FOXN3: variants seen among roughly 807,000 people sequenced by gnomAD.
The protein encoded by FOXN3 is forkhead box protein N3.
FOXN3 carries 7 observed loss-of-function variants against 38.4 expected under a neutral mutation model. That is an observed-to-expected ratio of 0.18 (90% CI 0.10 to 0.34). FOXN3 has a LOEUF of 0.34. Ranked by LOEUF, FOXN3 falls within the 10% of genes least tolerant of loss-of-function variation. FOXN3 has a pLI of 1.00. For missense variants in FOXN3, 456 were observed against 613.4 expected (o/e 0.74, Z 2.71); for synonymous variants, 230 against 242.2 (o/e 0.95, Z 0.47).
chr14:89,180,796 T>C lies in FOXN3; in HGVS notation c.756A>G (p.Gly252=). 2 of 1,607,608 alleles carry C rather than the reference T, an allele frequency of 1.2e-6. No individual in the cohort carries two copies. The highest frequency in any genetic ancestry group is 1.7e-6 in the Non-Finnish European group (2 of 1,176,338). The change falls in exon 5 of 6, where the codon GGA becomes GGG. Residue 252 remains glycine, a synonymous_variant. Transcript: ENST00000557258. ...GGACCCGCGCTCCATTTTGGATCAC[T>C]CCTGGAGGAACTGAAAAAGCAAAGG... is the stretch of plus-strand genomic sequence containing the variant. ...RNGALLQVPP[G]VIQNGARVLS...
At chr14:89,505,309 C>CTCCCTCTGAT (rs1460663915) in intron 1 of FOXN3, among the ~76,000 whole-genome samples, 25 of 145,752 alleles carry the variant, frequency 1.7e-4, no homozygotes, top group African/African-American at 5.0e-4. Context: ...TCCCCACGGT[C>CTCCCTCTGAT]TCCCTCTGAT....
At chr14:89,331,005 T>C (rs1170475097) in intron 3 of FOXN3, among the ~76,000 whole-genome samples, 1 of 152,238 alleles carries the variant, frequency 6.6e-6, no homozygotes, top group East Asian at 1.9e-4. Context: ...TTTCCTCTTC[T>C]TCTTTTGCGC....
intron 4 of FOXN3, among the ~76,000 whole-genome samples, chr14:89,252,934 T>C (rs1170159456): frequency 1.3e-5 from 2 of 152,282 alleles, no homozygotes; most frequent in African/African-American, 4.8e-5. Context: ...GATTCAGGAC[T>C]GCAGGAACCA....
chr14:89,334,503 G>C (rs888069738), intron 3 of FOXN3, among the ~76,000 whole-genome samples: 1 of 151,210 alleles, frequency 6.6e-6, no homozygotes, highest in Non-Finnish European at 1.5e-5. Context: ...TCAGCTATTC[G>C]AGAGGCTGGA....
intron 1 of FOXN3, among the ~76,000 whole-genome samples, chr14:89,503,516 C>G (rs1308870040): frequency 2.6e-5 from 4 of 152,166 alleles, no homozygotes; most frequent in Non-Finnish European, 4.4e-5. Context: ...AAAGTTCTAG[C>G]CATATGCTAC....
At chr14:89,406,862 C>T (rs1891402111) in intron 2 of FOXN3, among the ~76,000 whole-genome samples, 2 of 151,966 alleles carry the variant, frequency 1.3e-5, no homozygotes, top group African/African-American at 4.8e-5. Flanking sequence ...TTCTCATTTA[C>T]AAGTACTCAG....
Position 89,397,671 on chromosome 14 carries a change from T to C in FOXN3, c.543+14263A>G, listed in dbSNP as rs149780048. ...ACTTATTTCTCTCTCTATCCCACTGTGACCCTTTGTTTTAGCCAATTAGAG... is the reference window on the plus strand; with the variant it reads ...ACTTATTTCTCTCTCTATCCCACTGCGACCCTTTGTTTTAGCCAATTAGAG... On this transcript the variant is annotated intron_variant, in intron 2 of 5. Coordinates refer to ENST00000557258, the MANE Select transcript of FOXN3 (RefSeq NM_005197.4). Among the ~76,000 whole-genome samples, 1,179 of 152,262 alleles carry C rather than the reference T, an allele frequency of 7.7e-3. 11 individuals are homozygous for C. Among genetic ancestry groups the C allele is most frequent in the South Asian group, 0.039 (188 of 4,818 alleles).
chr14:89,169,508 T>TACACACACACACAC (rs56217837), intron 5 of FOXN3, among the ~76,000 whole-genome samples: 10 of 150,240 alleles, frequency 6.7e-5, no homozygotes, highest in Admixed American at 4.6e-4. Context: ...ACTAAGTGGT[T>TACACACACACACAC]ACACACACAC....
chr14:89,564,179 G>A (rs1895302953), intron 1 of FOXN3, among the ~76,000 whole-genome samples: 1 of 151,806 alleles, frequency 6.6e-6, no homozygotes, highest in African/African-American at 2.4e-5. Flanking sequence ...TAAGTGAGGG[G>A]ATAGTGAAAA....
chr14:89,554,952 C>A (rs10147932), intron 1 of FOXN3, among the ~76,000 whole-genome samples: 6,156 of 151,868 alleles, frequency 0.041, 230 homozygotes, highest in African/African-American at 0.088. Flanking sequence ...CCATGCCTGG[C>A]TGGTTTTTTT....
At chr14:89,283,001 T>C (rs917351086) in intron 3 of FOXN3, among the ~76,000 whole-genome samples, 1 of 152,188 alleles carries the variant, frequency 6.6e-6, no homozygotes, top group African/African-American at 2.4e-5. Context: ...TGTACTCTAG[T>C]AGTGGAGAGA....
intron 4 of FOXN3, among the ~76,000 whole-genome samples, chr14:89,210,053 T>C (rs948545111): frequency 6.6e-6 from 1 of 152,242 alleles, no homozygotes; most frequent in Non-Finnish European, 1.5e-5. Context: ...GTGCCTACTT[T>C]TCACAGTCCC....
intron 2 of FOXN3, among the ~76,000 whole-genome samples, chr14:89,407,601 G>C (rs367626037): frequency 1.3e-5 from 2 of 152,186 alleles, no homozygotes; most frequent in South Asian, 4.1e-4. Context: ...GGAGGCTGGG[G>C]CAGGAGGATT....
intron 4 of FOXN3, among the ~76,000 whole-genome samples, chr14:89,210,092 A>C (rs546110235): frequency 3.9e-5 from 6 of 152,350 alleles, no homozygotes; most frequent in African/African-American, 1.4e-4. Context: ...AGCACCTAGC[A>C]TACTGATACG....
chr14:89,386,565 A>G (rs1317007939), intron 2 of FOXN3, among the ~76,000 whole-genome samples: 1 of 152,252 alleles, frequency 6.6e-6, no homozygotes, highest in Non-Finnish European at 1.5e-5. Context: ...GTTAAGTAAG[A>G]TAGTGCCCAA....
chr14:89,255,129 T>C (rs190083284), intron 4 of FOXN3, among the ~76,000 whole-genome samples: 139 of 152,348 alleles, frequency 9.1e-4, no homozygotes, highest in African/African-American at 3.1e-3. Flanking sequence ...CATCAGCGAC[T>C]CCTTCTTCTG....
In FOXN3 at chr14:89,412,809, C is replaced by T. The variant is rs914442208; in HGVS notation, c.-14-319G>A. 2.0e-5 allele frequency among the ~76,000 whole-genome samples: 3 copies of T among 151,856 alleles called. No individual in the cohort carries two copies. The highest frequency in any genetic ancestry group is 7.3e-5 in the African/African-American group (3 of 41,306). ...AGCACTTTGGGAGGCTGAGGCGGGACGATTGCTTGAGACCAGGAGACCAGT... is the reference window on the plus strand; with the variant it reads ...AGCACTTTGGGAGGCTGAGGCGGGATGATTGCTTGAGACCAGGAGACCAGT... On this transcript the variant is annotated intron_variant, in intron 1 of 5. Transcript: ENST00000557258. The surrounding 1 kb of genome is among the most constrained non-coding windows in gnomAD (Gnocchi z 4.7).
At chr14:89,239,499 G>T (rs1027239366) in intron 4 of FOXN3, among the ~76,000 whole-genome samples, 2 of 152,216 alleles carry the variant, frequency 1.3e-5, no homozygotes, top group Non-Finnish European at 2.9e-5. Flanking sequence ...CAACAGAGGT[G>T]CAAGGCCTGA....
intron 4 of FOXN3, among the ~76,000 whole-genome samples, chr14:89,266,907 G>A (rs1396817792): frequency 3.3e-5 from 5 of 152,142 alleles, no homozygotes; most frequent in East Asian, 1.9e-4. Context: ...CTCATTTGGC[G>A]AAGCTCACCC....
Sources: gnomAD v4.1 joint callset for allele counts (sites outside exome capture counted in the v4.1 genomes callset) on GRCh38, gnomAD v4.1.1 for gene constraint, Gnocchi (gnomAD v3.1) non-coding constraint, MANE v1.5 for transcripts, NCBI Gene and HGNC (gene_info 2026-07-23, HGNC 2026-07-21) for gene names.